The following MTFR1 variants were observed in gnomAD, a reference collection of about 807,000 sequenced individuals.
MTFR1 encodes the protein mitochondrial fission regulator 1, also known as chondrocyte protein with a poly-proline region.
A neutral mutation model predicts 38.8 loss-of-function variants in MTFR1; 28 were observed. The ratio of observed to expected loss-of-function variants is 0.72; its 90% CI spans 0.53 to 0.99. MTFR1 has a LOEUF of 0.99. MTFR1 is among the 50% of genes least tolerant of loss of function. The probability of loss-of-function intolerance (pLI) is 0.00; values close to 1 mark genes in which losing one functional copy is unlikely to be tolerated. For missense variants in MTFR1, 358 were observed against 395.5 expected (o/e 0.91, Z 0.81); for synonymous variants, 145 against 137.0 (o/e 1.06, Z -0.41).
chr8:65,666,468 T>C (rs1317937452), intron 1 of MTFR1, among the ~76,000 whole-genome samples: 1 of 152,236 alleles, frequency 6.6e-6, no homozygotes, highest in Non-Finnish European at 1.5e-5. Flanking sequence ...ACTCCCTTTT[T>C]GTTTAGTTAC....
chr8:65,751,307 A>G (rs906320388), intron 3 of MTFR1, among the ~76,000 whole-genome samples: 1 of 152,210 alleles, frequency 6.6e-6, no homozygotes, highest in Non-Finnish European at 1.5e-5. Context: ...TCATTAATCT[A>G]ATCTTTGAAT....
chr8:65,737,175 C>A (rs1807175871), intron 3 of MTFR1, among the ~76,000 whole-genome samples: 1 of 152,056 alleles, frequency 6.6e-6, no homozygotes, highest in East Asian at 1.9e-4. Context: ...CAGTATAGAG[C>A]CAAAGCCATT....
chr8:65,753,346 C>A (rs1808057223), intron 3 of MTFR1, among the ~76,000 whole-genome samples: 1 of 152,174 alleles, frequency 6.6e-6, no homozygotes, highest in African/African-American at 2.4e-5. Context: ...AAATGGCTCT[C>A]TCCTTCTCTG....
At chr8:65,669,196 G>A (rs919666225) in intron 1 of MTFR1, among the ~76,000 whole-genome samples, 7 of 152,140 alleles carry the variant, frequency 4.6e-5, no homozygotes, top group African/African-American at 1.4e-4. Flanking sequence ...TCTAGCAAAT[G>A]GACCAGTACA....
At chr8:65,667,107 G>T (rs147425387) in intron 1 of MTFR1, among the ~76,000 whole-genome samples, 6,305 of 152,168 alleles carry the variant, frequency 0.041, 194 homozygotes, top group Non-Finnish European at 0.062. Flanking sequence ...GTGAAACCCT[G>T]TCTCTACTAA....
intron 3 of MTFR1, among the ~76,000 whole-genome samples, chr8:65,738,163 G>A (rs968858207): frequency 1.3e-5 from 2 of 151,640 alleles, no homozygotes; most frequent in Non-Finnish European, 1.5e-5. Flanking sequence ...AAAAAAAAAC[G>A]ATGTATACAC....
intron 3 of MTFR1, chr8:65,724,422 C>T: frequency 1.0e-6 from 1 of 954,508 alleles, no homozygotes. Flanking sequence ...GAACCAAGTG[C>T]AAGGACTGGA....
intron 3 of MTFR1, chr8:65,722,626 C>CA (rs1172403806): frequency 6.6e-6 from 1 of 152,376 alleles, no homozygotes; most frequent in African/African-American, 2.4e-5. Context: ...CAAAGCCCAA[C>CA]ACACTCAATC....
downstream of MTFR1, among the ~76,000 whole-genome samples, chr8:65,771,564 G>A (rs903747073): frequency 6.6e-6 from 1 of 152,130 alleles, no homozygotes; most frequent in South Asian, 2.1e-4. Context: ...ATGGATCAAA[G>A]AACAGATAAT....
At chr8:65,703,397 A>ACATCCATGC (rs968702904) in intron 4 of MTFR1, among the ~76,000 whole-genome samples, 1 of 130,452 alleles carries the variant, frequency 7.7e-6, no homozygotes, top group Non-Finnish European at 1.6e-5. Flanking sequence ...TGTTTTTGGT[A>ACATCCATGC]CATCCATGCT....
chr8:65,743,509 T>C (rs1377816128), intron 3 of MTFR1, among the ~76,000 whole-genome samples: 1 of 152,136 alleles, frequency 6.6e-6, no homozygotes, highest in East Asian at 1.9e-4. Context: ...GTCTTCACAA[T>C]TTTGCCTAGG....
intron 3 of MTFR1, chr8:65,727,043 C>T: frequency 9.4e-6 from 9 of 953,658 alleles, no homozygotes; most frequent in Non-Finnish European, 1.5e-5. Context: ...ATACTGTTAG[C>T]AATATTAATC....
At chr8:65,679,382 G>A (rs1051813780) in intron 2 of MTFR1, 1 of 152,208 alleles carries the variant, frequency 6.6e-6, no homozygotes, top group Admixed American at 6.6e-5. Flanking sequence ...AAGACAGGTG[G>A]ATCACTTGAG....
At chr8:65,778,540 G>C in the MTFR1 span, among the ~76,000 whole-genome samples, 1 of 152,166 alleles carries the variant, frequency 6.6e-6, no homozygotes, top group East Asian at 1.9e-4. Context: ...TATATACCCT[G>C]ACTGAATTCC....
At chr8:65,700,959 A>C (rs1805598630) in intron 4 of MTFR1, among the ~76,000 whole-genome samples, 1 of 152,230 alleles carries the variant, frequency 6.6e-6, no homozygotes, top group African/African-American at 2.4e-5. Flanking sequence ...ACAAATGCAT[A>C]TCTGATTGCT....
chr8:65,674,752 C>T (rs1011553332), intron 2 of MTFR1, among the ~76,000 whole-genome samples: 1 of 152,126 alleles, frequency 6.6e-6, no homozygotes, highest in African/African-American at 2.4e-5. Context: ...TAATAGCCAT[C>T]CCTGCTTGGC....
In MTFR1 at chr8:65,682,468, A is replaced by G; in HGVS notation, c.165+17A>G. The G allele has an allele frequency of 8.3e-7, 1 of 1,203,280 alleles. No homozygotes were observed. The highest frequency in any genetic ancestry group is 3.1e-5 in the East Asian group (1 of 32,666). The allele number at this position is 1,203,280 out of a possible 1,614,324, so 74.5% of individuals were successfully genotyped here. On this transcript the variant is annotated intron_variant, in intron 3 of 7. Transcript: ENST00000262146. The stretch of plus-strand genomic sequence containing the variant: ...CAGTTTCAGGTATTATATTTTATAT[A>G]TTTTAAGTATTTTATTAATATGTAC...
intron 3 of MTFR1, among the ~76,000 whole-genome samples, chr8:65,770,304 T>C (rs1809021925): frequency 6.6e-6 from 1 of 152,214 alleles, no homozygotes; most frequent in African/African-American, 2.4e-5. Flanking sequence ...AGAGGTTTGA[T>C]GGACTCACAG....
rs747895104 is a variant in MTFR1, at chr8:65,693,728, AAAG to A, written c.257_259del (p.Glu86del). On this transcript the variant is annotated inframe_deletion, in exon 4 of 8. Transcript: ENST00000262146. ...TTTTGCTGATGTTGGATGGGTAGCC[AAAG>A]AAGAAGGAGAGTGTTCAGCAAGACT... 5.0e-6 allele frequency: 8 copies of A among 1,614,036 alleles called. No homozygotes were observed. The highest frequency in any genetic ancestry group is 1.7e-5 in the Admixed American group (1 of 60,000).
Sources: allele counts gnomAD v4.1 joint callset (sites outside exome capture counted in the v4.1 genomes callset), GRCh38; gene constraint gnomAD v4.1.1; transcripts MANE v1.5; gene names NCBI Gene and HGNC (gene_info 2026-07-23, HGNC 2026-07-21).